WDR62: variants seen among roughly 807,000 people sequenced by gnomAD.
WDR62 encodes the protein WD repeat-containing protein 62.
Under a neutral mutation model 160.6 loss-of-function variants are expected in WDR62, and 112 were observed. That is an observed-to-expected ratio of 0.70 (90% CI 0.60 to 0.82). The LOEUF (loss-of-function observed/expected upper bound fraction) is 0.82, where lower values mean the gene tolerates loss of function less well. Ranked by LOEUF, WDR62 falls within the 40% of genes least tolerant of loss-of-function variation. WDR62 has a pLI of 0.00. For missense variants in WDR62, 1,819 were observed against 1,983.8 expected (o/e 0.92, Z 1.58); for synonymous variants, 792 against 815.1 (o/e 0.97, Z 0.48).
Position 36,073,328 on chromosome 19 carries a change from T to G in WDR62, c.1044-14T>G, listed in dbSNP as rs769003274. The G allele has an allele frequency of 1.2e-5, 19 of 1,613,926 alleles. 1 individual carries two copies. In the East Asian group the frequency reaches 4.2e-4, roughly 36 times the overall value. Reference sequence around the variant, plus strand: ...GACATTGATGGTGATTGATTACCCATGTGGCCTTGTTAGCTTCCTCTTCCA... The same window carrying G: ...GACATTGATGGTGATTGATTACCCAGGTGGCCTTGTTAGCTTCCTCTTCCA... On this transcript the variant is annotated splice_polypyrimidine_tract_variant and intron_variant, in intron 8 of 31. Coordinates refer to ENST00000401500, the MANE Select transcript of WDR62 (RefSeq NM_001083961.2).
At chr19:36,092,854 G>C in intron 19 of WDR62, 43 bp downstream of exon 19, 1 of 1,612,894 alleles carries the variant, frequency 6.2e-7, no homozygotes, top group Admixed American at 1.7e-5. Flanking sequence ...ATGAGTCCCT[G>C]CCAGGGCCCC....
intron 3 of WDR62, among the ~76,000 whole-genome samples, chr19:36,063,976 G>A (rs538471806): frequency 1.3e-5 from 2 of 152,344 alleles, no homozygotes; most frequent in Admixed American, 1.3e-4. Flanking sequence ...GCTCTGCCCT[G>A]TCTGGTTAGG....
chr19:36,106,504 T>G (rs948676914), downstream of WDR62, among the ~76,000 whole-genome samples: 3 of 152,108 alleles, frequency 2.0e-5, no homozygotes, highest in Non-Finnish European at 2.9e-5. Context: ...GAGCTCTGTA[T>G]AATTCTAGAT....
In WDR62 at chr19:36,100,668, G is replaced by A. The variant is rs1446210153; in HGVS notation, c.2740-80G>A. On this transcript the variant is annotated intron_variant, in intron 22 of 31. Coordinates refer to ENST00000401500, the MANE Select transcript of WDR62 (RefSeq NM_001083961.2). The stretch of plus-strand genomic sequence containing the variant: ...CTGGTTCACAGCCTCCAGCAGTGGG[G>A]CTGCTGGCATGGTTCCTGGCGCACT... 3.8e-6 allele frequency: 6 copies of A among 1,590,102 alleles called. No homozygotes were observed. The Admixed American group carries it at 5.0e-5, about 13-fold the overall frequency.
At chr19:36,079,532 C>A (rs961743333) in intron 9 of WDR62, among the ~76,000 whole-genome samples, 1 of 152,214 alleles carries the variant, frequency 6.6e-6, no homozygotes, top group Non-Finnish European at 1.5e-5. Flanking sequence ...AGTTTCTCTT[C>A]AGTGTGGAGC....
At chr19:36,077,955 T>G (rs1971671868) in intron 9 of WDR62, among the ~76,000 whole-genome samples, 1 of 152,186 alleles carries the variant, frequency 6.6e-6, no homozygotes, top group Admixed American at 6.5e-5. Flanking sequence ...GGCTTTCACT[T>G]AGCATAATGT....
chr19:36,072,130 G>C (rs1450275956), intron 8 of WDR62, among the ~76,000 whole-genome samples: 1 of 152,336 alleles, frequency 6.6e-6, no homozygotes, highest in Admixed American at 6.5e-5. Context: ...AGTATAGCAA[G>C]GGGGCTCGAT....
intron 11 of WDR62, 150 bp downstream of exon 11, chr19:36,083,391 G>A (rs1046270762): frequency 1.2e-6 from 1 of 861,180 alleles, no homozygotes; most frequent in African/African-American, 1.7e-5. Context: ...GCTCCCATTG[G>A]GAACTTAAGC....
intron 3 of WDR62, among the ~76,000 whole-genome samples, chr19:36,063,139 T>C (rs1446323934): frequency 6.6e-6 from 1 of 152,108 alleles, no homozygotes; most frequent in Non-Finnish European, 1.5e-5. Context: ...GAGCTGGGGT[T>C]TCCCCATGTT....
At position 36,092,797 on chromosome 19, in the gene WDR62, G is replaced by A; in HGVS notation, c.2319G>A (p.Arg773=). 1.2e-6 allele frequency: 2 copies of A among 1,614,038 alleles called. No homozygotes were observed. The highest frequency in any genetic ancestry group is 1.7e-5 in the Admixed American group (1 of 60,020). Residue 773 remains arginine, a synonymous_variant, in exon 19 of 32, where the codon CGG becomes CGA. Coordinates refer to ENST00000401500, the MANE Select transcript of WDR62 (RefSeq NM_001083961.2). The stretch of plus-strand genomic sequence containing the variant: ...AGCAGCACACAAATGACAAGAAGCG[G>A]AGTGGCCACCCCAGGTCCTGGCAGC... ...QQQQHTNDKK[R]SGHPRQDTYV... is the part of the protein sequence containing the mutation.
chr19:36,076,574 A>G (rs1040514783), intron 9 of WDR62, among the ~76,000 whole-genome samples: 3 of 151,816 alleles, frequency 2.0e-5, no homozygotes, highest in Non-Finnish European at 2.9e-5. Context: ...AAAAAAAAGA[A>G]AAAAGAGAAA....
At position 36,083,104 on chromosome 19, in the gene WDR62, C is replaced by T. The variant is rs943562151; in HGVS notation, c.1413C>T (p.His471=). ...KVVYVENDIQ[H]LQDMSHFPDR... is the part of the protein sequence containing the mutation. ...TGTACGTGGAGAATGACATCCAGCA[C>T]CTGCAGGACATGTCACACTTCCCAG... Residue 471 remains histidine (H), a synonymous_variant, in exon 11 of 32, where the codon CAC becomes CAT. Transcript: ENST00000401500. 3 of 1,613,688 alleles carry T rather than the reference C, an allele frequency of 1.9e-6. No individual in the cohort carries two copies. The highest frequency in any genetic ancestry group is 2.2e-5 in the East Asian group (1 of 44,878).
Position 36,102,053 on chromosome 19 carries a change from A to C in WDR62, c.3122A>C (p.Glu1041Ala), listed in dbSNP as rs762539449. 1 of 1,614,112 alleles carries C rather than the reference A, an allele frequency of 6.2e-7. No homozygotes were observed. Among genetic ancestry groups the C allele is most frequent in the Non-Finnish European group, 8.5e-7 (1 of 1,180,020 alleles). Residue 1041 changes from glutamate to alanine, a missense_variant, in exon 26 of 32, where the codon GAG (glutamate) becomes GCG (alanine). By Grantham distance (107) the Glu-to-Ala change is moderately radical. Around this residue, in one of 3 missense-constraint regions of WDR62, gnomAD observed 770 missense variants for 734.2 expected, o/e 1.05. Transcript: ENST00000401500. ...ACAGAAGATGAGCTGTCCCTGCCCG[A>C]GGGACCCAGCGTCCCCAGCAGCTCC... ...GPTEDELSLP[E>A]GPSVPSSSLP...
chr19:36,069,596 G>A (rs1415756506), intron 7 of WDR62, among the ~76,000 whole-genome samples: 2 of 152,224 alleles, frequency 1.3e-5, no homozygotes, highest in African/African-American at 2.4e-5. Context: ...GGTGGCGGCC[G>A]GGCAGAGGCT....
chr19:36,102,691 G>A, intron 26 of WDR62, 46 bp from the exon 27 acceptor site: 4 of 1,584,122 alleles, frequency 2.5e-6, no homozygotes, highest in Non-Finnish European at 3.5e-6. Context: ...GGCCAGGGCT[G>A]CTCGGCGGGA....
chr19:36,091,253 C>T lies in WDR62; in HGVS notation c.2088C>T (p.Ser696=). ...TFLATSCSDK[S]ISVIDFYSGE... is the part of the protein sequence containing the mutation. ...TGGCCACCAGCTGCTCTGACAAAAG[C>T]ATCTCAGTGATTGACTTTTACTCGG... The change falls in exon 17 of 32, where the codon AGC becomes AGT. Residue 696 remains serine, a synonymous_variant. Transcript: ENST00000401500. 6.2e-7 allele frequency: 1 copy of T among 1,613,580 alleles called. No homozygotes were observed. The highest frequency in any genetic ancestry group is 8.5e-7 in the Non-Finnish European group (1 of 1,180,040).
intron 21 of WDR62, among the ~76,000 whole-genome samples, chr19:36,097,732 A>G (rs569282036): frequency 6.6e-6 from 1 of 151,960 alleles, no homozygotes; most frequent in Admixed American, 6.5e-5. Context: ...AAAAATAAAA[A>G]AATTAGCCAG....
intron 9 of WDR62, among the ~76,000 whole-genome samples, chr19:36,078,850 AC>A (rs1209410645): frequency 2.0e-5 from 3 of 150,404 alleles, no homozygotes; most frequent in African/African-American, 7.3e-5. Flanking sequence ...AAAAAAAAAA[AC>A]AAAGTAAGTT....
Position 36,104,879 on chromosome 19 carries a change from A to T in WDR62, c.4423A>T (p.Ser1475Cys). ...GGAGGCTGAATGCCTGGTGGGGACT[A>T]GTGTGGCCCCAGCCCAGGCTCTGCC... ...QLEAECLVGT[S>C]VAPAQALPSP... Residue 1475 changes from serine (S) to cysteine (C), a missense_variant, in exon 32 of 32, where the codon AGT becomes TGT. Ser to Cys is a moderately radical substitution (Grantham distance 112, BLOSUM62 -1). This residue lies in a region of WDR62 where 770 missense variants were observed against 734.2 expected (regional missense o/e 1.05). Coordinates refer to ENST00000401500, the MANE Select transcript of WDR62 (RefSeq NM_001083961.2). 6.2e-7 allele frequency: 1 copy of T among 1,612,490 alleles called. No homozygotes were observed. Among genetic ancestry groups the T allele is most frequent in the Non-Finnish European group, 8.5e-7 (1 of 1,179,918 alleles).
Sources: gnomAD v4.1 joint callset for allele counts (sites outside exome capture counted in the v4.1 genomes callset) on GRCh38, gnomAD v4.1.1 for gene constraint, gnomAD v4.1.1 regional missense constraint, MANE v1.5 for transcripts, NCBI Gene and HGNC (gene_info 2026-07-23, HGNC 2026-07-21) for gene names.